The following ARSD variants were observed in gnomAD, a reference collection of about 807,000 sequenced individuals.
ARSD encodes the protein arylsulfatase D.
A neutral mutation model predicts 32.6 loss-of-function variants in ARSD; 21 were observed. That is an observed-to-expected ratio of 0.64 (90% CI 0.46 to 0.93). The LOEUF (loss-of-function observed/expected upper bound fraction) is 0.93. Among genes scored for constraint, ARSD ranks in the 40% least tolerant of loss-of-function variants. ARSD has a pLI of 0.00. For missense variants in ARSD, 454 were observed against 520.9 expected, an observed-to-expected ratio of 0.87 and a Z score of 1.25; for synonymous variants, 224 against 237.4, an observed-to-expected ratio of 0.94 and a Z score of 0.52.
At chrX:2,911,729 G>A (rs1444172567) in intron 6 of ARSD, among the ~76,000 whole-genome samples, 12 of 110,003 alleles carry the variant, frequency 1.1e-4, no homozygotes, top group Non-Finnish European at 2.3e-4. Context: ...ACAAGGTCAG[G>A]CCATGTTGGA....
intron 2 of ARSD, 77 bp from the exon 3 acceptor site, chrX:2,922,101 A>G: frequency 4.5e-6 from 5 of 1,098,948 alleles, no homozygotes; most frequent in Non-Finnish European, 6.0e-6. Context: ...TCTGAAAGGC[A>G]CAGGAATAGC....
At chrX:2,919,561 G>A (rs921167879) in intron 4 of ARSD, among the ~76,000 whole-genome samples, 1 of 111,904 alleles carries the variant, frequency 8.9e-6, no homozygotes, top group Non-Finnish European at 1.9e-5. Flanking sequence ...AGGCTGGCTT[G>A]TAAGATTCCC....
intron 6 of ARSD, among the ~76,000 whole-genome samples, chrX:2,912,010 CTTGTATG>C (rs2147310161): frequency 8.9e-6 from 1 of 111,952 alleles, no homozygotes; most frequent in Admixed American, 9.4e-5. Context: ...GTGGCACATG[CTTGTATG>C]TAGTCCTAGC....
At chrX:2,919,130 T>G (rs1361443234) in intron 4 of ARSD, among the ~76,000 whole-genome samples, 3 of 105,136 alleles carry the variant, frequency 2.9e-5, no homozygotes, top group African/African-American at 1.1e-4. Context: ...AAAATAAAAA[T>G]AAATAATAAA....
At chrX:2,914,524 G>A in intron 6 of ARSD, 2 of 936,057 alleles carry the variant, frequency 2.1e-6, no homozygotes, top group African/African-American at 2.0e-5. Flanking sequence ...AAAGGCATGA[G>A]CCACCTTGCC....
At chrX:2,924,365 T>C (rs565526721) in intron 2 of ARSD, among the ~76,000 whole-genome samples, 4 of 113,557 alleles carry the variant, frequency 3.5e-5, no homozygotes, top group Middle Eastern at 4.6e-3. Context: ...GGTGCTGCAA[T>C]GTTCACTGCA....
chrX:2,918,178 G>A lies in ARSD; in HGVS notation c.489C>T (p.His163=). 1 of 1,192,733 alleles carries A rather than the reference G, an allele frequency of 8.4e-7. No individual in the cohort carries two copies. Among genetic ancestry groups the A allele is most frequent in the Non-Finnish European group, 1.1e-6 (1 of 883,823 alleles). Residue 163 remains histidine (H), a synonymous_variant, in exon 5 of 10, where the codon CAC becomes CAT. Transcript: ENST00000381154. ...VNCASRGDHC[H]HPLNHGFDYF... Reference sequence around the variant, plus strand: ...AGTCAAATCCGTGGTTCAGGGGGTGGTGGCAGTGATCCCCGCGGGATGCAC... The same window carrying A: ...AGTCAAATCCGTGGTTCAGGGGGTGATGGCAGTGATCCCCGCGGGATGCAC...
At chrX:2,915,991 G>A (rs767480092) in intron 5 of ARSD, among the ~76,000 whole-genome samples, 24 of 108,917 alleles carry the variant, frequency 2.2e-4, no homozygotes, top group African/African-American at 8.0e-4. Flanking sequence ...AATTAGCTGG[G>A]CGTGGTGGCT....
In ARSD at chrX:2,907,116, C is replaced by CAAAA. The variant is rs10634744; in HGVS notation, c.*151_*154dup. 39,861 of 511,949 alleles carry CAAAA rather than the reference C, an allele frequency of 0.078. 2,197 individuals carry two copies. The highest frequency in any genetic ancestry group is 0.35 in the East Asian group (8,924 of 25,165). The allele number at this position is 511,949 out of a possible 1,213,427, so 42.2% of individuals were successfully genotyped here. On this transcript the variant is annotated 3_prime_UTR_variant, in exon 10 of 10. Coordinates refer to ENST00000381154, the MANE Select transcript of ARSD (RefSeq NM_001669.4). Reference sequence around the variant, plus strand: ...TGAGGGACAGAGCGACACTCTGTCTCAAAAAAGAAAGAAAGAAAGAAAGAA... The same window carrying CAAAA: ...TGAGGGACAGAGCGACACTCTGTCTCAAAAAAAAAAGAAAGAAAGAAAGAAAGAA...
intron 2 of ARSD, chrX:2,923,070 A>G (rs1248361966): frequency 6.9e-6 from 1 of 145,614 alleles, no homozygotes; most frequent in African/African-American, 3.2e-5. Flanking sequence ...ATCTATAGAG[A>G]TGGAAAGTAT....
At chrX:2,908,175 T>TCATCCATCTATCTGTC (rs1368233601) in intron 9 of ARSD, among the ~76,000 whole-genome samples, 2 of 111,712 alleles carry the variant, frequency 1.8e-5, no homozygotes, top group Non-Finnish European at 3.8e-5. Flanking sequence ...TATCTACCTT[T>TCATCCATCTATCTGTC]CATCCATCTA....
intron 6 of ARSD, among the ~76,000 whole-genome samples, chrX:2,912,974 G>A (rs190784181): frequency 2.4e-3 from 271 of 112,179 alleles, no homozygotes; most frequent in African/African-American, 8.0e-3. Context: ...TATCTGAGGC[G>A]GGTCTCAATC....
intron 6 of ARSD, among the ~76,000 whole-genome samples, chrX:2,913,306 T>C (rs892259730): frequency 1.8e-5 from 2 of 111,376 alleles, no homozygotes; most frequent in African/African-American, 3.3e-5. Context: ...TCAGAGAAAA[T>C]AGATTGTAAA....
intron 1 of ARSD, among the ~76,000 whole-genome samples, chrX:2,928,130 C>G (rs761780510): frequency 4.7e-4 from 52 of 110,878 alleles, no homozygotes; most frequent in Admixed American, 1.1e-3. Flanking sequence ...CACTGGGGCG[C>G]AAATGAAGCT....
intron 5 of ARSD, among the ~76,000 whole-genome samples, chrX:2,916,429 CAG>C (rs1319574191): frequency 9.2e-6 from 1 of 108,850 alleles, no homozygotes; most frequent in Non-Finnish European, 1.9e-5. Flanking sequence ...GCCTTGGAGA[CAG>C]AGGTTGCAGT....
At position 2,920,626 on chromosome X, in the gene ARSD, C is replaced by A. The variant is rs1190128435; in HGVS notation, c.414G>T (p.Gln138His). The A allele has an allele frequency of 8.3e-7, 1 of 1,212,037 alleles. No individual in the cohort carries two copies. Among genetic ancestry groups the A allele is most frequent in the East Asian group, 3.0e-5 (1 of 33,847 alleles). Residue 138 changes from glutamine to histidine, a missense_variant, in exon 4 of 10, where the codon CAG becomes CAT. Gln to His is a conservative substitution (Grantham distance 24, BLOSUM62 0). Transcript: ENST00000381154. ...NETTFARILQ[Q>H]HGYATGLIGK... Reference sequence around the variant, plus strand: ...CTATGAGGCCGGTTGCATAGCCATGCTGCTGCAAGATTCTTGCAAAAGTGG... The same window carrying A: ...CTATGAGGCCGGTTGCATAGCCATGATGCTGCAAGATTCTTGCAAAAGTGG...
chrX:2,921,063 A>G (rs930642487), intron 3 of ARSD, among the ~76,000 whole-genome samples: 9 of 111,461 alleles, frequency 8.1e-5, no homozygotes, highest in African/African-American at 2.9e-4. Context: ...ATGCTGCTCA[A>G]GACCCTACAT....
chrX:2,917,276 C>T (rs1475013056), intron 5 of ARSD, among the ~76,000 whole-genome samples: 2 of 109,054 alleles, frequency 1.8e-5, no homozygotes, highest in Non-Finnish European at 3.8e-5. Flanking sequence ...GTACAGAATC[C>T]AATGGCGTGT....
intron 6 of ARSD, chrX:2,913,982 G>T: frequency 2.9e-6 from 1 of 348,142 alleles, no homozygotes; most frequent in Non-Finnish European, 3.8e-6. Flanking sequence ...CTCCCCCTTC[G>T]CCTTCCACCA....
Sources: gnomAD v4.1 joint callset for allele counts (sites outside exome capture counted in the v4.1 genomes callset) on GRCh38, gnomAD v4.1.1 for gene constraint, MANE v1.5 for transcripts, NCBI Gene and HGNC (gene_info 2026-07-23, HGNC 2026-07-21) for gene names.